Variants in USP34 observed in about 807,000 individuals in gnomAD.
USP34 encodes the protein ubiquitin specific peptidase 34, also known as ubiquitin carboxyl-terminal hydrolase 34.
USP34 carries 70 observed loss-of-function variants against 460.3 expected under a neutral mutation model. The observed-to-expected ratio is 0.15, with a 90% CI of 0.13 to 0.19. The LOEUF is 0.19. USP34 is among the 10% of genes least tolerant of loss of function. USP34 has a pLI of 1.00. For synonymous variants in USP34, 1,647 were observed against 1,405.3 expected (o/e 1.17, Z -3.85); for missense variants, 3,985 against 4,236.2 (o/e 0.94, Z 1.65).
intron 1 of USP34, among the ~76,000 whole-genome samples, chr2:61,468,174 T>C (rs1008935325): frequency 2.0e-5 from 3 of 152,144 alleles, no homozygotes; most frequent in Admixed American, 2.0e-4. Flanking sequence ...ACTACACATG[T>C]AATTGTTGAA....
At chr2:61,440,760 C>T (rs1455457424) in intron 1 of USP34, among the ~76,000 whole-genome samples, 1 of 151,740 alleles carries the variant, frequency 6.6e-6, no homozygotes, top group Admixed American at 6.6e-5. Context: ...TCAGGCAATC[C>T]GCCTGCCTTG....
At chr2:61,408,593 C>G (rs1346054903) in intron 2 of USP34, among the ~76,000 whole-genome samples, 2 of 152,036 alleles carry the variant, frequency 1.3e-5, no homozygotes, top group African/African-American at 4.8e-5. Context: ...TAGGAAAAAT[C>G]AGGTTTAAAG....
At position 61,278,260 on chromosome 2, in the gene USP34, C is replaced by T; in HGVS notation, c.5338G>A (p.Gly1780Ser). 1.9e-6 allele frequency: 3 copies of T among 1,613,624 alleles called. No individual in the cohort carries two copies. Among genetic ancestry groups the T allele is most frequent in the Non-Finnish European group, 1.7e-6 (2 of 1,179,826 alleles). ...GTAAGCCCATCATCTTCTACATTAC[C>T]ATCCTGATGATCAAGGATCTCCCTA... ...RSREILDHQD[G>S]NVEDDGLTGL... The change falls in exon 41 of 80, where the codon GGT (glycine) becomes AGT (serine). Residue 1780 changes from glycine to serine, a missense_variant. By Grantham distance (56) the Gly-to-Ser change is moderately conservative. Coordinates refer to ENST00000398571, the MANE Select transcript of USP34 (RefSeq NM_014709.4).
chr2:61,396,842 T>C (rs960226851), intron 3 of USP34, among the ~76,000 whole-genome samples: 1 of 152,130 alleles, frequency 6.6e-6, no homozygotes, highest in East Asian at 1.9e-4. Context: ...TGGGGGATGA[T>C]GGAAATACTC....
At chr2:61,304,212 T>C (rs942840497) in intron 27 of USP34, among the ~76,000 whole-genome samples, 1 of 152,218 alleles carries the variant, frequency 6.6e-6, no homozygotes, top group African/African-American at 2.4e-5. Flanking sequence ...TGGTAGATTT[T>C]TATTAAATGT....
At chr2:61,391,435 A>G (rs1004879638) in intron 5 of USP34, among the ~76,000 whole-genome samples, 4 of 152,200 alleles carry the variant, frequency 2.6e-5, no homozygotes, top group Admixed American at 6.5e-5. Context: ...GTGATTTAGT[A>G]TAATAGAGAA....
At chr2:61,287,904 A>G (rs1689736097) in intron 34 of USP34, among the ~76,000 whole-genome samples, 1 of 151,968 alleles carries the variant, frequency 6.6e-6, no homozygotes, top group Admixed American at 6.6e-5. Flanking sequence ...CTCCAAATCC[A>G]CCCTTTTATA....
intron 73 of USP34, 58 bp downstream of exon 73, chr2:61,204,439 G>A: frequency 6.2e-7 from 1 of 1,613,088 alleles, no homozygotes; most frequent in Non-Finnish European, 8.5e-7. Context: ...CCATGCTTCA[G>A]TGTGCAGAAC....
In USP34 at chr2:61,200,924, A is replaced by G. The variant is rs555542306; in HGVS notation, c.9508+2216T>C. Reference sequence around the variant, plus strand: ...GATTGTTTTTAGGAAACAATAGGAAAGTTCTTAGGTCTTTGTCTAAGACCT... The same window carrying G: ...GATTGTTTTTAGGAAACAATAGGAAGGTTCTTAGGTCTTTGTCTAAGACCT... On this transcript the variant is annotated intron_variant, in intron 75 of 79. Transcript: ENST00000398571. Among the ~76,000 whole-genome samples, 103 of 152,214 alleles carry G rather than the reference A, an allele frequency of 6.8e-4. No homozygotes were observed. The Middle Eastern group carries it at 0.017, about 25-fold the overall frequency.
intron 1 of USP34, among the ~76,000 whole-genome samples, chr2:61,458,226 T>TC (rs1185807667): frequency 1.3e-5 from 2 of 151,896 alleles, no homozygotes; most frequent in Non-Finnish European, 2.9e-5. Context: ...AGGAAAGACT[T>TC]CTCGAAAAAA....
intron 2 of USP34, 65 bp from the exon 3 acceptor site, chr2:61,406,193 A>G (rs1390695531): frequency 7.5e-7 from 1 of 1,331,446 alleles, no homozygotes; most frequent in South Asian, 1.7e-5. Context: ...TAATAATATA[A>G]AAAAACAAGT....
In USP34 at chr2:61,188,058, G is replaced by A; in HGVS notation, c.*44C>T. On this transcript the variant is annotated 3_prime_UTR_variant, in exon 80 of 80. Transcript: ENST00000398571. ...GCAAAACTTATACAAACAGCATGGG[G>A]GTTGGGGGTGAGGGACTTAAAAGTA... is the stretch of plus-strand genomic sequence containing the variant. The A allele has an allele frequency of 3.2e-6, 5 of 1,575,024 alleles. No individual in the cohort carries two copies. The highest frequency in any genetic ancestry group is 4.3e-6 in the Non-Finnish European group (5 of 1,161,446).
chr2:61,337,415 T>C (rs1399877255), intron 18 of USP34, among the ~76,000 whole-genome samples: 1 of 152,132 alleles, frequency 6.6e-6, no homozygotes, highest in Non-Finnish European at 1.5e-5. Flanking sequence ...TTTTTTGCAT[T>C]TGAATAGCTA....
At chr2:61,386,207 T>C (rs1276100584) in intron 5 of USP34, among the ~76,000 whole-genome samples, 3 of 151,980 alleles carry the variant, frequency 2.0e-5, no homozygotes, top group Non-Finnish European at 4.4e-5. Flanking sequence ...GAGTCACCTG[T>C]AACCAATACT....
chr2:61,288,577 G>C, intron 34 of USP34, 100 bp downstream of exon 34: 11 of 1,262,232 alleles, frequency 8.7e-6, no homozygotes, highest in Non-Finnish European at 1.1e-5. Context: ...GTCAGGTTAA[G>C]TCACAGTAAT....
At chr2:61,401,350 G>A (rs1021500857) in intron 3 of USP34, among the ~76,000 whole-genome samples, 3 of 150,848 alleles carry the variant, frequency 2.0e-5, no homozygotes, top group African/African-American at 7.3e-5. Flanking sequence ...TGATCCTTCT[G>A]CCTCAGCCTC....
intron 3 of USP34, 97 bp downstream of exon 3, chr2:61,405,611 C>T (rs1212246297): frequency 1.2e-5 from 13 of 1,121,746 alleles, no homozygotes; most frequent in East Asian, 5.1e-5. Context: ...AATGATTTTC[C>T]GCCAGCAGAA....
intron 43 of USP34, among the ~76,000 whole-genome samples, chr2:61,263,485 GC>G (rs1223081052): frequency 2.0e-5 from 3 of 146,776 alleles, no homozygotes; most frequent in Admixed American, 2.0e-4. Flanking sequence ...CTGGCCAAAG[GC>G]TTTTTTTTTT....
chr2:61,240,569 C>T (rs747013559), intron 53 of USP34, among the ~76,000 whole-genome samples: 3 of 151,672 alleles, frequency 2.0e-5, no homozygotes, highest in Non-Finnish European at 4.4e-5. Context: ...TGAGCCACCG[C>T]GCCCAGCCCA....
Sources: allele counts gnomAD v4.1 joint callset (sites outside exome capture counted in the v4.1 genomes callset), GRCh38; gene constraint gnomAD v4.1.1; transcripts MANE v1.5; gene names NCBI Gene and HGNC (gene_info 2026-07-23, HGNC 2026-07-21).